The following USH2A variants were observed in gnomAD, a reference collection of about 807,000 sequenced individuals.
USH2A encodes the protein usherin.
Under a neutral mutation model 538.9 loss-of-function variants are expected in USH2A, and 443 were observed. The observed-to-expected ratio is 0.82, with a 90% CI of 0.76 to 0.89. The LOEUF is 0.89. Ranked by LOEUF, USH2A falls within the 40% of genes least tolerant of loss-of-function variation. The probability of loss-of-function intolerance (pLI) is 0.00; values close to 1 mark genes in which losing one functional copy is unlikely to be tolerated. For missense variants in USH2A, 6,633 were observed against 6,324.8 expected (o/e 1.05, Z -1.65); for synonymous variants, 2,413 against 2,273.5 (o/e 1.06, Z -1.75).
At chr1:216,423,008 C>T (rs1411832782) in intron 1 of USH2A, among the ~76,000 whole-genome samples, 2 of 152,068 alleles carry the variant, frequency 1.3e-5, no homozygotes, top group Non-Finnish European at 2.9e-5. Flanking sequence ...TGGCAAAGGA[C>T]TTTGGGCCTT....
intron 41 of USH2A, among the ~76,000 whole-genome samples, chr1:215,880,616 T>A (rs776963070): frequency 5.9e-5 from 9 of 152,046 alleles, no homozygotes; most frequent in Non-Finnish European, 1.2e-4. Flanking sequence ...GTTTTGGAGG[T>A]GCAATGCTGT....
chr1:216,352,709 A>G (rs1298546639), intron 4 of USH2A, among the ~76,000 whole-genome samples: 2 of 152,238 alleles, frequency 1.3e-5, no homozygotes, highest in African/African-American at 2.4e-5. Flanking sequence ...AAAATTTTAC[A>G]ATACAGCAGT....
chr1:216,240,862 G>C (rs1377196659), intron 13 of USH2A, among the ~76,000 whole-genome samples: 1 of 152,086 alleles, frequency 6.6e-6, no homozygotes, highest in Admixed American at 6.6e-5. Flanking sequence ...AGCAGCAAAT[G>C]TTAGCCCTTG....
intron 32 of USH2A, among the ~76,000 whole-genome samples, chr1:216,029,898 A>G (rs746583373): frequency 3.3e-5 from 5 of 151,020 alleles, no homozygotes; most frequent in Non-Finnish European, 5.9e-5. Flanking sequence ...ACTATTCATG[A>G]TAGCAAAGAC....
At chr1:216,008,677 G>T (rs1668468750) in intron 32 of USH2A, among the ~76,000 whole-genome samples, 1 of 151,984 alleles carries the variant, frequency 6.6e-6, no homozygotes, top group Admixed American at 6.6e-5. Context: ...CCAGCCCAAG[G>T]GACATCTCAC....
chr1:216,350,308 A>C (rs1339964), intron 4 of USH2A, among the ~76,000 whole-genome samples: 59,141 of 151,768 alleles, frequency 0.39, 12,831 homozygotes, highest in African/African-American at 0.6. Context: ...ATTTCATGTC[A>C]TTTTCATGTT....
chr1:216,072,669 A>G, intron 29 of USH2A: 1 of 584,506 alleles, frequency 1.7e-6, no homozygotes, highest in Non-Finnish European at 3.1e-6. Flanking sequence ...AGAGGAAAGG[A>G]TCAAGTCTGA....
intron 35 of USH2A, among the ~76,000 whole-genome samples, chr1:215,974,194 C>G (rs754399110): frequency 3.5e-4 from 54 of 152,146 alleles, no homozygotes; most frequent in South Asian, 1.0e-3. Flanking sequence ...GTCTAAAACA[C>G]CTATTAACAT....
intron 13 of USH2A, among the ~76,000 whole-genome samples, chr1:216,245,477 G>C (rs1038335910): frequency 1.9e-5 from 2 of 102,966 alleles, no homozygotes; most frequent in Non-Finnish European, 4.1e-5. Context: ...TTCTGAGAGA[G>C]AGAGAGAGAG....
At position 215,888,802 on chromosome 1, in the gene USH2A, G is replaced by T. The variant is rs1571783906; in HGVS notation, c.7847C>A (p.Thr2616Asn). 7 of 1,614,128 alleles carry T rather than the reference G, an allele frequency of 4.3e-6. No homozygotes were observed. In the East Asian group the frequency reaches 1.3e-4, roughly 31 times the overall value. ...KGCSLSPESQTVWTLPGAPEG... is the reference protein window; with the variant it reads ...KGCSLSPESQNVWTLPGAPEG... ...CGGTGCCCCTGGGAGTGTCCATACA[G>T]TCTGGGACTCTGGTGAAAGGGAACA... is the stretch of plus-strand genomic sequence containing the variant. The change falls in exon 41 of 72, where the codon ACT becomes AAT. Residue 2616 changes from threonine (T) to asparagine (N), a missense_variant. By Grantham distance (65) the Thr-to-Asn change is moderately conservative. Transcript: ENST00000307340.
In USH2A at chr1:216,199,641, G is replaced by GTAGAAT; in HGVS notation, c.3796_3797insATTCTA (p.Pro1266delinsHisSerThr). ...TGGATTCTTACCATTTAGTTCCGCT[G>GTAGAAT]GTGGAGACCATTCTACATGAAGTTC... On this transcript the variant is annotated protein_altering_variant, in exon 17 of 72. Coordinates refer to ENST00000307340, the MANE Select transcript of USH2A (RefSeq NM_206933.4). 6.2e-7 allele frequency: 1 copy of GTAGAAT among 1,614,024 alleles called. No individual in the cohort carries two copies. The highest frequency in any genetic ancestry group is 8.5e-7 in the Non-Finnish European group (1 of 1,179,972).
In USH2A at chr1:216,211,715, C is replaced by T. The variant is rs561034762; in HGVS notation, c.3158-4284G>A. 4.6e-5 allele frequency among the ~76,000 whole-genome samples: 7 copies of T among 152,262 alleles called. No homozygotes were observed. The East Asian group carries it at 1.4e-3, about 29-fold the overall frequency. ...TTTAGACATAGGAAAAGAGTAGCAA[C>T]AATCTCATAATGACACATGAGAAAA... On this transcript the variant is annotated intron_variant, in intron 15 of 71. Transcript: ENST00000307340.
chr1:216,149,556 C>T (rs1357057504), intron 21 of USH2A, among the ~76,000 whole-genome samples: 1 of 152,186 alleles, frequency 6.6e-6, no homozygotes, highest in East Asian at 1.9e-4. Flanking sequence ...CAGAGCCTGT[C>T]CCCGAGATGC....
Position 216,336,927 on chromosome 1 carries a change from C to T in USH2A, c.785-9273G>A, listed in dbSNP as rs537819045. On this transcript the variant is annotated intron_variant, in intron 4 of 71. Transcript: ENST00000307340. ...ATCGTGGCATTGGATTGGATAACTT[C>T]GACAAATTTCTTTAGGAAAGACCCT... 9.9e-5 allele frequency among the ~76,000 whole-genome samples: 15 copies of T among 151,444 alleles called. 1 individual carries two copies. The South Asian group carries it at 1.9e-3, about 19-fold the overall frequency.
chr1:215,744,918 A>G (rs1160657707), intron 58 of USH2A, among the ~76,000 whole-genome samples: 1 of 152,206 alleles, frequency 6.6e-6, no homozygotes. Flanking sequence ...CTAACATTCT[A>G]TCATTGATTC....
chr1:216,007,297 T>A (rs1452140727), intron 32 of USH2A, among the ~76,000 whole-genome samples: 1 of 152,082 alleles, frequency 6.6e-6, no homozygotes, highest in Non-Finnish European at 1.5e-5. Context: ...AATCAGAATT[T>A]AACTATAAAA....
chr1:216,380,088 C>T (rs190699308), intron 3 of USH2A, among the ~76,000 whole-genome samples: 63 of 152,114 alleles, frequency 4.1e-4, no homozygotes, highest in South Asian at 8.3e-4. Context: ...TTTATTTCAC[C>T]TTTTTATTAA....
chr1:216,408,928 C>G (rs2039437794), intron 3 of USH2A, among the ~76,000 whole-genome samples: 1 of 152,172 alleles, frequency 6.6e-6, no homozygotes, highest in African/African-American at 2.4e-5. Context: ...TCACACTACA[C>G]AGAACAGCAC....
chr1:216,315,314 G>A (rs1405399122), intron 9 of USH2A, among the ~76,000 whole-genome samples: 1 of 152,100 alleles, frequency 6.6e-6, no homozygotes, highest in African/African-American at 2.4e-5. Flanking sequence ...ATCTAAAAGT[G>A]GGGGTGAGGT....
Sources: gnomAD v4.1 joint callset for allele counts (sites outside exome capture counted in the v4.1 genomes callset) on GRCh38, gnomAD v4.1.1 for gene constraint, MANE v1.5 for transcripts, NCBI Gene and HGNC (gene_info 2026-07-23, HGNC 2026-07-21) for gene names.